Variants in MYOM1 observed in about 807,000 individuals in gnomAD.
MYOM1 encodes the protein myomesin 1.
MYOM1 carries 164 observed loss-of-function variants against 205.3 expected under a neutral mutation model. That is an observed-to-expected ratio of 0.80 (90% CI 0.70 to 0.91). MYOM1 has a LOEUF of 0.91. Among genes scored for constraint, MYOM1 ranks in the 40% least tolerant of loss-of-function variants. MYOM1 has a pLI of 0.00. For missense variants in MYOM1, 2,011 were observed against 2,127.3 expected, an observed-to-expected ratio of 0.95 and a Z score of 1.08; for synonymous variants, 772 against 789.4, an observed-to-expected ratio of 0.98 and a Z score of 0.37.
intron 13 of MYOM1, among the ~76,000 whole-genome samples, chr18:3,147,466 T>C (rs548905748): frequency 1.2e-3 from 180 of 152,170 alleles, no homozygotes; most frequent in African/African-American, 4.1e-3. Flanking sequence ...TTTGTAGAAG[T>C]TGATAAGCTG....
At chr18:3,163,722 G>A (rs1178306490) in intron 10 of MYOM1, among the ~76,000 whole-genome samples, 1 of 152,116 alleles carries the variant, frequency 6.6e-6, no homozygotes, top group Non-Finnish European at 1.5e-5. Flanking sequence ...CTAAAGTGCT[G>A]GGATTACAGG....
the MYOM1 span, among the ~76,000 whole-genome samples, chr18:3,240,620 A>C: frequency 6.6e-6 from 1 of 152,252 alleles, no homozygotes; most frequent in East Asian, 1.9e-4. Flanking sequence ...CAGTAGCATA[A>C]AAATGGATTA....
chr18:3,132,451 A>G (rs1325210708), intron 16 of MYOM1, among the ~76,000 whole-genome samples: 2 of 152,004 alleles, frequency 1.3e-5, no homozygotes, highest in Non-Finnish European at 2.9e-5. Flanking sequence ...AGCCCAGCCA[A>G]CTCATATATA....
At chr18:3,191,213 C>A (rs2080900090) in intron 3 of MYOM1, among the ~76,000 whole-genome samples, 1 of 152,154 alleles carries the variant, frequency 6.6e-6, no homozygotes, top group Non-Finnish European at 1.5e-5. Context: ...AGTCTCAATT[C>A]AAAAATCTCT....
intron 37 of MYOM1, 47 bp downstream of exon 37, chr18:3,071,787 C>T: frequency 6.4e-7 from 1 of 1,559,762 alleles, no homozygotes; most frequent in African/African-American, 1.4e-5. Flanking sequence ...GTGCTGGAAC[C>T]TGTTCATAGT....
chr18:3,144,242 T>C (rs1454742382), intron 13 of MYOM1, among the ~76,000 whole-genome samples: 2 of 152,076 alleles, frequency 1.3e-5, no homozygotes, highest in Non-Finnish European at 2.9e-5. Context: ...TGTAAATTCT[T>C]ACACTACATG....
chr18:3,114,544 A>ATTTTTTTTTTTTTTTT (rs5822738), intron 21 of MYOM1, among the ~76,000 whole-genome samples: 45 of 88,340 alleles, frequency 5.1e-4, no homozygotes, highest in African/African-American at 1.9e-3. Context: ...TGGTCAGCTA[A>ATTTTTTTTTTTTTTTT]TTTTTTTTTT....
chr18:3,127,305 A>ATTTTTTTTT (rs1555620545), intron 18 of MYOM1, among the ~76,000 whole-genome samples: 9 of 47,574 alleles, frequency 1.9e-4, no homozygotes, highest in African/African-American at 6.5e-4. Context: ...ATATATATAT[A>ATTTTTTTTT]TTTTTTTTTT....
chr18:3,149,917 T>C (rs1307731071), intron 12 of MYOM1, among the ~76,000 whole-genome samples: 4 of 152,196 alleles, frequency 2.6e-5, no homozygotes, highest in Admixed American at 2.0e-4. Flanking sequence ...TTGATTGGAA[T>C]TGATAAAAGA....
At chr18:3,236,988 C>T in the MYOM1 span, among the ~76,000 whole-genome samples, 1 of 152,042 alleles carries the variant, frequency 6.6e-6, no homozygotes, top group African/African-American at 2.4e-5. Context: ...AGCACCTTTT[C>T]TAATACTATT....
chr18:3,244,543 C>T, the MYOM1 span, among the ~76,000 whole-genome samples: 34 of 152,146 alleles, frequency 2.2e-4, no homozygotes, highest in Non-Finnish European at 4.1e-4. Flanking sequence ...CACTTGATGT[C>T]AGGAGTTTGA....
intron 19 of MYOM1, among the ~76,000 whole-genome samples, chr18:3,122,281 C>A (rs1567917615): frequency 6.6e-6 from 1 of 150,898 alleles, no homozygotes; most frequent in South Asian, 2.1e-4. Flanking sequence ...TTAAGAGACA[C>A]ATGTAAAGCA....
In MYOM1 at chr18:3,205,744, T is replaced by C. The variant is rs115182419; in HGVS notation, c.290+9190A>G. Among the ~76,000 whole-genome samples, 1,481 of 152,324 alleles carry C rather than the reference T, an allele frequency of 9.7e-3. 37 individuals carry two copies. The highest frequency in any genetic ancestry group is 0.034 in the African/African-American group (1,402 of 41,568). On this transcript the variant is annotated intron_variant, in intron 2 of 37. Coordinates refer to ENST00000356443, the MANE Select transcript of MYOM1 (RefSeq NM_003803.4). ...ACGAGAAAGTTTATTTCAAACATTATTGAACAATCTCCTTGTTCAATCGTT... is the reference window on the plus strand; with the variant it reads ...ACGAGAAAGTTTATTTCAAACATTACTGAACAATCTCCTTGTTCAATCGTT...
chr18:3,120,744 G>T (rs781051950), intron 19 of MYOM1, among the ~76,000 whole-genome samples: 13 of 152,158 alleles, frequency 8.5e-5, no homozygotes, highest in Non-Finnish European at 1.0e-4. Context: ...TCTAAGCTAG[G>T]AATCAAAATG....
chr18:3,171,564 A>G (rs1235506410), intron 8 of MYOM1, among the ~76,000 whole-genome samples: 2 of 152,134 alleles, frequency 1.3e-5, no homozygotes, highest in South Asian at 2.1e-4. Flanking sequence ...CACGTCCTCA[A>G]TCTTTTATCA....
intron 4 of MYOM1, among the ~76,000 whole-genome samples, chr18:3,187,893 G>GCACTGGTGCAACCTGCATCACTGCAGC (rs369353403): frequency 0.015 from 2,109 of 143,890 alleles, 53 homozygotes; most frequent in African/African-American, 0.05. Context: ...GGACTGGAGT[G>GCACTGGTGCAACCTGCATCACTGCAGC]CACTGGTGCA....
At chr18:3,108,344 A>T (rs2079478660) in intron 22 of MYOM1, among the ~76,000 whole-genome samples, 2 of 152,208 alleles carry the variant, frequency 1.3e-5, no homozygotes, top group Non-Finnish European at 2.9e-5. Flanking sequence ...ACTTAATTTT[A>T]TACTCAGAAT....
intron 9 of MYOM1, among the ~76,000 whole-genome samples, chr18:3,165,347 C>T (rs936460961): frequency 2.0e-5 from 3 of 152,178 alleles, no homozygotes; most frequent in Non-Finnish European, 1.5e-5. Context: ...CACTACAAGC[C>T]GAACATGATT....
chr18:3,168,879 C>T lies in MYOM1; in HGVS notation c.1277G>A (p.Cys426Tyr). 1 of 1,613,952 alleles carries T rather than the reference C, an allele frequency of 6.2e-7. No homozygotes were observed. Among genetic ancestry groups the T allele is most frequent in the Non-Finnish European group, 8.5e-7 (1 of 1,179,874 alleles). ...GREGETMSLGCRVVITPEIKH... is the reference protein window; with the variant it reads ...GREGETMSLGYRVVITPEIKH... ...AATTTCAGGAGTGATGACAACACGACAGCCTAGACTCATTGTCTCTCCCTC... is the reference window on the plus strand; with the variant it reads ...AATTTCAGGAGTGATGACAACACGATAGCCTAGACTCATTGTCTCTCCCTC... Residue 426 changes from cysteine to tyrosine, a missense_variant, in exon 9 of 38, where the codon TGT (cysteine) becomes TAT (tyrosine). Coordinates refer to ENST00000356443, the MANE Select transcript of MYOM1 (RefSeq NM_003803.4).
Sources: allele counts gnomAD v4.1 joint callset (sites outside exome capture counted in the v4.1 genomes callset), GRCh38; gene constraint gnomAD v4.1.1; transcripts MANE v1.5; gene names NCBI Gene and HGNC (gene_info 2026-07-23, HGNC 2026-07-21).